Variants in F8 observed in about 807,000 individuals in gnomAD.
F8 encodes coagulation factor VIII.
In F8, 12 loss-of-function variants were observed where a neutral mutation model predicts 140.6. The ratio of observed to expected loss-of-function variants is 0.09; its 90% CI spans 0.05 to 0.14. The LOEUF (loss-of-function observed/expected upper bound fraction) is 0.14, where lower values mean the gene tolerates loss of function less well. Among genes scored for constraint, F8 ranks in the 10% least tolerant of loss-of-function variants. F8 has a pLI of 1.00. For synonymous variants in F8, 585 were observed against 614.6 expected (o/e 0.95, Z 0.71); for missense variants, 1,354 against 1,720.7 (o/e 0.79, Z 3.77).
At chrX:155,012,226 T>C (rs949507370) in intron 1 of F8, among the ~76,000 whole-genome samples, 6 of 112,471 alleles carry the variant, frequency 5.3e-5, no homozygotes, top group African/African-American at 1.9e-4. Context: ...ATTTTTACAG[T>C]ATGTAAATCA....
At chrX:154,948,267 A>G (rs1384580667) in intron 12 of F8, among the ~76,000 whole-genome samples, 3 of 111,765 alleles carry the variant, frequency 2.7e-5, no homozygotes, top group African/African-American at 9.8e-5. Context: ...GAAATGAAAG[A>G]AGCAGGACAA....
rs200595478 is a variant in F8, at chrX:154,955,635, G to A, written c.1752+1322C>T. Among the ~76,000 whole-genome samples the A allele has an allele frequency of 1.0e-4, 11 of 110,403 alleles. No individual in the cohort carries two copies. In the East Asian group the frequency reaches 1.4e-3, roughly 14 times the overall value. ...GTCTCCAGGGGTGACATCACATGTC[G>A]GCAGGTTCTGTGATGCCCCCAAGCC... On this transcript the variant is annotated intron_variant, in intron 11 of 25. Transcript: ENST00000360256.
At position 154,860,506 on chromosome X, in the gene F8, C is replaced by G. The variant is rs1557272788; in HGVS notation, c.6826G>C (p.Val2276Leu). ...GVKSLLTSMY[V>L]KEFLISSSQD... ...CTGCTGGAGATGAGGAACTCCTTCACATACATGCTGGTAAGCAGAGATTTT... is the reference window on the plus strand; with the variant it reads ...CTGCTGGAGATGAGGAACTCCTTCAGATACATGCTGGTAAGCAGAGATTTT... Residue 2276 changes from valine to leucine, a missense_variant, in exon 25 of 26, where the codon GTG becomes CTG. By Grantham distance (32) the Val-to-Leu change is conservative. Around this residue, in one of 4 missense-constraint regions of F8, gnomAD observed 316 missense variants for 485.4 expected, o/e 0.65. Transcript: ENST00000360256. The G allele has an allele frequency of 8.3e-7, 1 of 1,211,234 alleles. No individual in the cohort carries two copies. The highest frequency in any genetic ancestry group is 2.3e-4 in the Middle Eastern group (1 of 4,352).
At chrX:154,981,080 A>G (rs782579950) in intron 6 of F8, among the ~76,000 whole-genome samples, 2 of 112,116 alleles carry the variant, frequency 1.8e-5, no homozygotes, top group South Asian at 7.4e-4. Context: ...GGAGATCCAC[A>G]GAGGGCACTC....
intron 13 of F8, among the ~76,000 whole-genome samples, chrX:154,939,883 C>T (rs1223914027): frequency 2.7e-5 from 3 of 112,290 alleles, no homozygotes; most frequent in Non-Finnish European, 5.6e-5. Flanking sequence ...GCAGCCTCTG[C>T]TGCTGATACC....
intron 22 of F8, among the ~76,000 whole-genome samples, chrX:154,867,580 CA>C: frequency 9.4e-6 from 1 of 106,741 alleles, no homozygotes; most frequent in Non-Finnish European, 1.9e-5. Context: ...CCCAGCTACT[CA>C]GGAGGCTGAG....
chrX:154,946,490 A>G (rs1557280300), intron 13 of F8, among the ~76,000 whole-genome samples: 1 of 112,539 alleles, frequency 8.9e-6, no homozygotes, highest in African/African-American at 3.2e-5. Context: ...TAGTCTCTTC[A>G]ATAAATGGTG....
chrX:155,011,049 T>C (rs2073704082), intron 1 of F8, among the ~76,000 whole-genome samples: 1 of 112,107 alleles, frequency 8.9e-6, no homozygotes, highest in Non-Finnish European at 1.9e-5. Flanking sequence ...GTAAAATAAA[T>C]AAATATTGGA....
intron 22 of F8, among the ~76,000 whole-genome samples, chrX:154,874,044 G>C (rs2072794332): frequency 8.9e-6 from 1 of 112,445 alleles, no homozygotes; most frequent in African/African-American, 3.2e-5. Flanking sequence ...TCAACAGAGT[G>C]AAAAGACAAC....
At chrX:154,846,897 G>C (rs1176577682) in intron 25 of F8, among the ~76,000 whole-genome samples, 1 of 112,095 alleles carries the variant, frequency 8.9e-6, no homozygotes, top group Non-Finnish European at 1.9e-5. Flanking sequence ...TTTACAATTT[G>C]GGATGTTTTT....
chrX:154,965,677 C>G (rs899903174), intron 9 of F8: 17 of 271,400 alleles, frequency 6.3e-5, no homozygotes, highest in Non-Finnish European at 1.1e-4. Context: ...GGTTCACAGG[C>G]CATAGTCTGC....
chrX:154,877,164 G>GATGTCCAC lies in F8; in HGVS notation c.6430-13945_6430-13938dup, dbSNP rs781843565. Among the ~76,000 whole-genome samples the GATGTCCAC allele has an allele frequency of 1.2e-4, 14 of 112,441 alleles. No individual in the cohort carries two copies. The South Asian group carries it at 4.8e-3, about 39-fold the overall frequency. ...GCTAGGAAGAATATGATCTCTCAGTGATGTCCACATTTTAATCCCCAGAAC... is the reference window on the plus strand; with the variant it reads ...GCTAGGAAGAATATGATCTCTCAGTGATGTCCACATGTCCACATTTTAATCCCCAGAAC... On this transcript the variant is annotated intron_variant, in intron 22 of 25. Coordinates refer to ENST00000360256, the MANE Select transcript of F8 (RefSeq NM_000132.4).
intron 13 of F8, among the ~76,000 whole-genome samples, chrX:154,943,989 C>A (rs1557280085): frequency 9.0e-6 from 1 of 111,643 alleles, no homozygotes; most frequent in African/African-American, 3.3e-5. Context: ...AAACTGGAAC[C>A]CTTCCTTACA....
chrX:154,876,427 T>A (rs1557274039), intron 22 of F8, among the ~76,000 whole-genome samples: 1 of 111,873 alleles, frequency 8.9e-6, no homozygotes, highest in South Asian at 3.7e-4. Context: ...CTGGAAATTT[T>A]AAAAAATTAT....
chrX:154,910,860 G>A (rs1217765269), intron 14 of F8, among the ~76,000 whole-genome samples: 2 of 110,525 alleles, frequency 1.8e-5, no homozygotes, highest in Non-Finnish European at 3.8e-5. Flanking sequence ...GAGTGTCTCG[G>A]TGTAAAACCC....
chrX:154,843,357 G>C (rs1264000312), intron 25 of F8, among the ~76,000 whole-genome samples: 1 of 111,973 alleles, frequency 8.9e-6, no homozygotes, highest in African/African-American at 3.3e-5. Flanking sequence ...CTAGATCCTT[G>C]AGGAATCGCC....
chrX:154,918,811 A>G (rs1557277325), intron 14 of F8: 1 of 61,949 alleles, frequency 1.6e-5, no homozygotes, highest in Admixed American at 1.8e-4. Flanking sequence ...TTTTTTTTTA[A>G]TAAAGCCCCT....
In F8 at chrX:154,931,178, T is replaced by G; in HGVS notation, c.2612A>C (p.Glu871Ala). The G allele has an allele frequency of 8.3e-7, 1 of 1,211,302 alleles. No individual in the cohort carries two copies. The highest frequency in any genetic ancestry group is 1.8e-5 in the South Asian group (1 of 56,934). Residue 871 changes from glutamate (E) to alanine (A), a missense_variant, in exon 14 of 26, where the codon GAG becomes GCG. Around this residue, in one of 4 missense-constraint regions of F8, gnomAD observed 658 missense variants for 666.5 expected, o/e 0.99. Coordinates refer to ENST00000360256, the MANE Select transcript of F8 (RefSeq NM_000132.4). ...ATTTAATCTTAATTGGAGGCCTGAC[T>G]CAGGGGTAAATACCATGTCCCCACT... is the stretch of plus-strand genomic sequence containing the variant. The part of the protein sequence containing the change: ...HHSGDMVFTP[E>A]SGLQLRLNEK...
At chrX:154,984,660 A>G (rs1310273409) in intron 6 of F8, 27 bp downstream of exon 6, 12 of 1,086,281 alleles carry the variant, frequency 1.1e-5, no homozygotes, top group Non-Finnish European at 1.3e-5. Context: ...GAAGACCCTG[A>G]GGATTGTTGA....
Sources: allele counts gnomAD v4.1 joint callset (sites outside exome capture counted in the v4.1 genomes callset), GRCh38; gene constraint gnomAD v4.1.1; regional missense constraint gnomAD v4.1.1; transcripts MANE v1.5; gene names NCBI Gene and HGNC (gene_info 2026-07-23, HGNC 2026-07-21).